The following ZNF462 variants were observed in gnomAD, a reference collection of about 807,000 sequenced individuals.
The protein encoded by ZNF462 is zinc finger protein 462, also known as zinc finger PBX1-interacting protein.
A neutral mutation model predicts 201.9 loss-of-function variants in ZNF462; 10 were observed. That is an observed-to-expected ratio of 0.05 (90% CI 0.03 to 0.08). The LOEUF (loss-of-function observed/expected upper bound fraction) is 0.08, where lower values mean the gene tolerates loss of function less well. Among genes scored for constraint, ZNF462 ranks in the 10% least tolerant of loss-of-function variants. The pLI is 1.00. For missense variants in ZNF462, 2,523 were observed against 3,168.3 expected (o/e 0.80, Z 4.89); for synonymous variants, 1,227 against 1,193.3 (o/e 1.03, Z -0.58).
At position 106,938,015 on chromosome 9, in the gene ZNF462, C is replaced by A. The variant is rs1830703079; in HGVS notation, c.6236-901C>A. Among the ~76,000 whole-genome samples the A allele has an allele frequency of 1.3e-5, 2 of 152,114 alleles. No individual in the cohort carries two copies. Among genetic ancestry groups the A allele is most frequent in the African/African-American group, 4.8e-5 (2 of 41,512 alleles). ...AAATGGCTTTCTGAATTGATCTTAC[C>A]AGTGTATATATGTCCAACAATTTAA... On this transcript the variant is annotated intron_variant, in intron 6 of 12. Transcript: ENST00000277225. The surrounding 1 kb of genome is among the most constrained non-coding windows in gnomAD (Gnocchi z 4.4).
At position 106,930,543 on chromosome 9, in the gene ZNF462, G is replaced by T; in HGVS notation, c.5866G>T (p.Glu1956Ter). ...KQERPFGHLEEVPKIKERKVV... is the reference protein window; with the variant it reads ...KQERPFGHLE ...TTACCAGCCTTTTGGTCACTTAGAA[G>T]AGGTGCCAAAGATCAAGGAGAGGAA... The change falls in exon 4 of 13, where the codon GAG (glutamate) becomes TAG (stop). Residue 1956 changes from glutamate (E) to a stop codon, truncating the protein, a stop_gained. Transcript: ENST00000277225. LOFTEE classifies it high-confidence loss of function. The surrounding 1 kb of genome is among the most constrained non-coding windows in gnomAD (Gnocchi z 5.8). 1 of 1,614,140 alleles carries T rather than the reference G, an allele frequency of 6.2e-7. No individual in the cohort carries two copies. Among genetic ancestry groups the T allele is most frequent in the South Asian group, 1.1e-5 (1 of 91,070 alleles).
At chr9:106,908,902 C>CGTATATACATATATATATATAT (rs1564090567) in intron 1 of ZNF462, among the ~76,000 whole-genome samples, 4 of 77,206 alleles carry the variant, frequency 5.2e-5, no homozygotes, top group African/African-American at 1.9e-4. Context: ...AATATTTGCC[C>CGTATATACATATATATATATAT]ATATATACAT....
intron 1 of ZNF462, among the ~76,000 whole-genome samples, chr9:106,891,064 A>G (rs1828555610): frequency 1.3e-5 from 2 of 152,156 alleles, no homozygotes; most frequent in Admixed American, 1.3e-4. Context: ...CAGAAAATAC[A>G]CCGGCTGAAA....
chr9:106,949,899 C>T (rs1215039508), intron 7 of ZNF462, among the ~76,000 whole-genome samples: 1 of 152,184 alleles, frequency 6.6e-6, no homozygotes, highest in Non-Finnish European at 1.5e-5. Flanking sequence ...CAGCTGCCCA[C>T]CTGTGGCCAA....
At chr9:106,889,670 T>C (rs1190516479) in intron 1 of ZNF462, among the ~76,000 whole-genome samples, 1 of 152,208 alleles carries the variant, frequency 6.6e-6, no homozygotes, top group Non-Finnish European at 1.5e-5. Flanking sequence ...TTACTGAGCA[T>C]TTGACTGCTT....
rs371642245 is a variant in ZNF462 at position 106,927,328 on chromosome 9, A to G, written c.3416A>G (p.Glu1139Gly). 16 of 1,613,836 alleles carry G rather than the reference A, an allele frequency of 9.9e-6. No individual in the cohort carries two copies. The African/African-American group carries it at 2.1e-4, about 22-fold the overall frequency. The change falls in exon 3 of 13, where the codon GAA becomes GGA. Residue 1139 changes from glutamate to glycine, a missense_variant. Around this residue, in one of 15 missense-constraint regions of ZNF462, gnomAD observed 5 missense variants for 21.8 expected, o/e 0.23. Transcript: ENST00000277225. Reference protein sequence around the residue: ...VLVHYQKRHPEIKVTAKYIRQ... With the variant: ...VLVHYQKRHPGIKVTAKYIRQ... ...GTCCACTACCAGAAAAGACACCCAG[A>G]AATAAAGGTTACTGCCAAATATATC...
chr9:106,910,374 T>TGTTTG (rs60347817), intron 1 of ZNF462, among the ~76,000 whole-genome samples: 1 of 148,822 alleles, frequency 6.7e-6, no homozygotes, highest in African/African-American at 2.5e-5. Context: ...TTTTTTTTTT[T>TGTTTG]TTTTTTTTTT....
At chr9:106,967,398 A>G (rs1323614489) in intron 7 of ZNF462, among the ~76,000 whole-genome samples, 1 of 152,004 alleles carries the variant, frequency 6.6e-6, no homozygotes, top group African/African-American at 2.4e-5. Flanking sequence ...GTTTGCCTTT[A>G]TAAAGTCAAA....
rs961976618 is a variant in ZNF462 at position 107,013,195 on chromosome 9, T to C, written c.*2165T>C. The C allele has an allele frequency of 3.9e-5, 6 of 152,180 alleles. No homozygotes were observed. The highest frequency in any genetic ancestry group is 1.4e-4 in the African/African-American group (6 of 41,466). The allele number at this position is 152,180 out of a possible 1,614,324, so 9.4% of individuals were successfully genotyped here. ...TTCAAATAACATGTAAATATTGTAA[T>C]CCATTGGATTTTGTTTTGCTAACCT... is the stretch of plus-strand genomic sequence containing the variant. On this transcript the variant is annotated 3_prime_UTR_variant, in exon 13 of 13. Coordinates refer to ENST00000277225, the MANE Select transcript of ZNF462 (RefSeq NM_021224.6).
chr9:106,970,972 G>T lies in ZNF462; in HGVS notation c.6428-1033G>T, dbSNP rs907335633. ...CATTTCCGACATTTTCCTCAGAATC[G>T]CAAACTTTAAAATACCTTTCAGGGA... On this transcript the variant is annotated intron_variant, in intron 7 of 12. Transcript: ENST00000277225. This position sits in a 1 kb window ranked among gnomAD's most constrained non-coding sequence, Gnocchi z 4.2. Among the ~76,000 whole-genome samples, 6 of 151,720 alleles carry T rather than the reference G, an allele frequency of 4.0e-5. No homozygotes were observed. Among genetic ancestry groups the T allele is most frequent in the Admixed American group, 6.6e-5 (1 of 15,216 alleles).
chr9:106,995,767 C>T (rs935318042), intron 10 of ZNF462: 5 of 152,112 alleles, frequency 3.3e-5, no homozygotes, highest in African/African-American at 1.2e-4. Flanking sequence ...TACTTTTATT[C>T]TCTCATTAAC....
rs774864616 is a variant in ZNF462, at chr9:107,010,824, G to C, written c.7315G>C (p.Ala2439Pro). ...TCTCTTCGATAAATGTTTTTCCAGGGCATTGAATGACACCAAGCAGGTGAG... is the reference window on the plus strand; with the variant it reads ...TCTCTTCGATAAATGTTTTTCCAGGCCATTGAATGACACCAAGCAGGTGAG... ...WERHVLRHGMALNDTKQVSRE... is the reference protein window; with the variant it reads ...WERHVLRHGMPLNDTKQVSRE... Residue 2439 changes from alanine (A) to proline (P), a missense_variant and splice_region_variant, in exon 13 of 13, where the codon GCA becomes CCA. Around this residue, in one of 15 missense-constraint regions of ZNF462, gnomAD observed 228 missense variants for 361.2 expected, o/e 0.63. Coordinates refer to ENST00000277225, the MANE Select transcript of ZNF462 (RefSeq NM_021224.6). The surrounding 1 kb of genome is among the most constrained non-coding windows in gnomAD (Gnocchi z 4.6). 1.2e-6 allele frequency: 2 copies of C among 1,611,382 alleles called. No homozygotes were observed. Among genetic ancestry groups the C allele is most frequent in the Non-Finnish European group, 1.7e-6 (2 of 1,178,776 alleles).
chr9:106,939,146 G>C (rs764263254), intron 7 of ZNF462, 39 bp downstream of exon 7: 54 of 1,489,526 alleles, frequency 3.6e-5, no homozygotes, highest in Non-Finnish European at 4.8e-5. Context: ...ACCACTCAGG[G>C]TTGAGGTGGG....
rs948007319 is a variant in ZNF462, at chr9:106,968,629, G to A, written c.6428-3376G>A. ...AAGGTGGACCACCTTAGTCTTTGCT[G>A]TTGGTTCCATTGTAGATACCACTGG... On this transcript the variant is annotated intron_variant, in intron 7 of 12. Transcript: ENST00000277225. This position sits in a 1 kb window ranked among gnomAD's most constrained non-coding sequence, Gnocchi z 4.0. Among the ~76,000 whole-genome samples, 3 of 152,054 alleles carry A rather than the reference G, an allele frequency of 2.0e-5. No individual in the cohort carries two copies. Among genetic ancestry groups the A allele is most frequent in the African/African-American group, 7.2e-5 (3 of 41,406 alleles).
intron 1 of ZNF462, among the ~76,000 whole-genome samples, chr9:106,915,042 G>T (rs1485959338): frequency 6.6e-6 from 1 of 152,080 alleles, no homozygotes; most frequent in African/African-American, 2.4e-5. Flanking sequence ...TGAACGTCAT[G>T]ATCTAATCTC....
rs1010024960 is a variant in ZNF462 at position 106,933,929 on chromosome 9, AG to A, written c.6116+1382del. On this transcript the variant is annotated intron_variant, in intron 5 of 12. Coordinates refer to ENST00000277225, the MANE Select transcript of ZNF462 (RefSeq NM_021224.6). This position sits in a 1 kb window ranked among gnomAD's most constrained non-coding sequence, Gnocchi z 4.3. ...TGACTAATCCTTAAGTTACATGTAAAGGAATAGTGAAAGATAAGGTCTAAAT... is the reference window on the plus strand; with the variant it reads ...TGACTAATCCTTAAGTTACATGTAAAGAATAGTGAAAGATAAGGTCTAAAT... Among the ~76,000 whole-genome samples the A allele has an allele frequency of 6.6e-6, 1 of 152,186 alleles. No individual in the cohort carries two copies. The highest frequency in any genetic ancestry group is 1.5e-5 in the Non-Finnish European group (1 of 68,026).
At chr9:106,967,830 T>G (rs1246534560) in intron 7 of ZNF462, among the ~76,000 whole-genome samples, 1 of 152,166 alleles carries the variant, frequency 6.6e-6, no homozygotes, top group Non-Finnish European at 1.5e-5. Context: ...GTCCCTTATT[T>G]TGTTTATATA....
At chr9:106,992,211 T>C (rs543936459) in intron 10 of ZNF462, among the ~76,000 whole-genome samples, 1 of 152,144 alleles carries the variant, frequency 6.6e-6, no homozygotes, top group African/African-American at 2.4e-5. Context: ...AAAGAAGATA[T>C]ACAAATGGCA....
intron 1 of ZNF462, among the ~76,000 whole-genome samples, chr9:106,871,149 T>C (rs1827573099): frequency 6.6e-6 from 1 of 152,170 alleles, no homozygotes; most frequent in Non-Finnish European, 1.5e-5. Flanking sequence ...TGCACAAAGG[T>C]TCCAATACTT....
Sources: allele counts gnomAD v4.1 joint callset (sites outside exome capture counted in the v4.1 genomes callset), GRCh38; gene constraint gnomAD v4.1.1; regional missense constraint gnomAD v4.1.1; non-coding constraint Gnocchi (gnomAD v3.1); transcripts MANE v1.5; gene names NCBI Gene and HGNC (gene_info 2026-07-23, HGNC 2026-07-21).